Variants in ATP2B2 observed in about 807,000 individuals in gnomAD.
ATP2B2 encodes ATPase plasma membrane Ca2+ transporting 2, also known as plasma membrane calcium-transporting ATPase 2.
Under a neutral mutation model 120.0 loss-of-function variants are expected in ATP2B2, and 15 were observed. The ratio of observed to expected loss-of-function variants is 0.12; its 90% CI spans 0.08 to 0.19. The LOEUF (loss-of-function observed/expected upper bound fraction) is 0.19. Among genes scored for constraint, ATP2B2 ranks in the 10% least tolerant of loss-of-function variants. The pLI is 1.00. For missense variants in ATP2B2, 1,045 were observed against 1,719.8 expected (o/e 0.61, Z 6.94); for synonymous variants, 694 against 700.3 (o/e 0.99, Z 0.14).
rs751479685 is a variant in ATP2B2 at position 10,379,266 on chromosome 3, T to C, written c.1019A>G (p.Asn340Ser). ...ACCTTTGCTCTGGCTGGCGTCCACA[T>C]TGCCATCCTGCATTTTACCTACACG... ...SLVNGKMQDG[N>S]VDASQSKAKQ... The change falls in exon 9 of 23, where the codon AAT becomes AGT. Residue 340 changes from asparagine (N) to serine (S), a missense_variant. By Grantham distance (46) the Asn-to-Ser change is conservative. Around this residue, in one of 11 missense-constraint regions of ATP2B2, gnomAD observed 145 missense variants for 202.0 expected, o/e 0.72. Transcript: ENST00000360273. 2 of 1,613,898 alleles carry C rather than the reference T, an allele frequency of 1.2e-6. No individual in the cohort carries two copies. Among genetic ancestry groups the C allele is most frequent in the African/African-American group, 1.3e-5 (1 of 74,948 alleles).
rs778264519 is a variant in ATP2B2 at position 10,375,499 on chromosome 3, C to T, written c.1347G>A (p.Thr449=). 100 of 1,613,600 alleles carry T rather than the reference C, an allele frequency of 6.2e-5. No individual in the cohort carries two copies. Among genetic ancestry groups the T allele is most frequent in the Non-Finnish European group, 7.5e-5 (89 of 1,180,030 alleles). Residue 449 remains threonine, a synonymous_variant, in exon 11 of 23, where the codon ACG becomes ACA. Transcript: ENST00000360273. This position sits in a 1 kb window ranked among gnomAD's most constrained non-coding sequence, Gnocchi z 4.2. ...CCTCGGGCACGGCGACCACCAGCAC[C>T]GTCACGCCAATGATGAAGAACTTGA... ...YFVKFFIIGV[T]VLVVAVPEGL...
chr3:10,603,114 A>T (rs2068968235), intron 2 of ATP2B2, among the ~76,000 whole-genome samples: 3 of 152,216 alleles, frequency 2.0e-5, no homozygotes, highest in Admixed American at 2.0e-4. Flanking sequence ...CAGACCCCGC[A>T]TCCAGCCCTG....
chr3:10,407,491 C>T (rs2062455905), intron 3 of ATP2B2, among the ~76,000 whole-genome samples: 1 of 152,188 alleles, frequency 6.6e-6, no homozygotes, highest in Non-Finnish European at 1.5e-5. Context: ...GTAGAACTTC[C>T]TGAGTCTGTT....
intron 1 of ATP2B2, among the ~76,000 whole-genome samples, chr3:10,631,337 C>T (rs942929127): frequency 1.3e-5 from 2 of 152,210 alleles, no homozygotes; most frequent in Non-Finnish European, 2.9e-5. Flanking sequence ...TTGCAATTAA[C>T]ATTACTGTTA....
Position 10,335,222 on chromosome 3 carries a change from C to T in ATP2B2, c.3420+2954G>A, listed in dbSNP as rs76928898. Among the ~76,000 whole-genome samples, 790 of 152,328 alleles carry T rather than the reference C, an allele frequency of 5.2e-3. 6 individuals carry two copies. The highest frequency in any genetic ancestry group is 0.018 in the African/African-American group (735 of 41,572). ...GGCATATCAGGTCCCTCTGGGCCTGCTGGCACCCAGGCAAGATGTGAGGCT... is the reference window on the plus strand; with the variant it reads ...GGCATATCAGGTCCCTCTGGGCCTGTTGGCACCCAGGCAAGATGTGAGGCT... On this transcript the variant is annotated intron_variant, in intron 22 of 22. Transcript: ENST00000360273.
chr3:10,498,625 T>C (rs2066254196), intron 1 of ATP2B2, among the ~76,000 whole-genome samples: 1 of 152,208 alleles, frequency 6.6e-6, no homozygotes, highest in Non-Finnish European at 1.5e-5. Flanking sequence ...CAGCCAGACA[T>C]GGCCCGGTAG....
chr3:10,420,231 T>C (rs1342368003), intron 2 of ATP2B2, among the ~76,000 whole-genome samples: 1 of 152,164 alleles, frequency 6.6e-6, no homozygotes, highest in Non-Finnish European at 1.5e-5. Flanking sequence ...GCTGGGACTG[T>C]GGGAAGCCAT....
chr3:10,541,727 G>A (rs1264176392), intron 2 of ATP2B2, among the ~76,000 whole-genome samples: 1 of 152,182 alleles, frequency 6.6e-6, no homozygotes, highest in Non-Finnish European at 1.5e-5. Context: ...CTTGAAAACA[G>A]CATGTATTCT....
At chr3:10,531,467 A>T (rs1001497984) in intron 3 of ATP2B2, among the ~76,000 whole-genome samples, 1 of 152,140 alleles carries the variant, frequency 6.6e-6, no homozygotes, top group Admixed American at 6.5e-5. Flanking sequence ...CCTTTGTACA[A>T]TGGGGATAAG....
chr3:10,526,374 T>A (rs1211610840), intron 3 of ATP2B2, among the ~76,000 whole-genome samples: 1 of 152,148 alleles, frequency 6.6e-6, no homozygotes, highest in Non-Finnish European at 1.5e-5. Flanking sequence ...AATCATTCCC[T>A]ATTTAAGGAG....
intron 1 of ATP2B2, among the ~76,000 whole-genome samples, chr3:10,699,867 G>T (rs1433708255): frequency 6.6e-6 from 1 of 152,060 alleles, no homozygotes; most frequent in Admixed American, 6.6e-5. Context: ...ATGGGATGAT[G>T]CAGTAAATAG....
chr3:10,504,497 G>A (rs1002492905), intron 1 of ATP2B2, among the ~76,000 whole-genome samples: 1 of 152,058 alleles, frequency 6.6e-6, no homozygotes, highest in East Asian at 2.0e-4. Flanking sequence ...GCCAGGCTGG[G>A]CCTCTGCATG....
At chr3:10,544,792 C>T (rs1274724631) in intron 2 of ATP2B2, among the ~76,000 whole-genome samples, 1 of 152,260 alleles carries the variant, frequency 6.6e-6, no homozygotes, top group African/African-American at 2.4e-5. Flanking sequence ...TGACAGTCTT[C>T]CTCCAAAATC....
chr3:10,532,420 T>C (rs2125477177), intron 3 of ATP2B2, among the ~76,000 whole-genome samples: 1 of 152,290 alleles, frequency 6.6e-6, no homozygotes, highest in East Asian at 1.9e-4. Context: ...AATTCCATGG[T>C]GAAAATTCCA....
chr3:10,530,518 G>A (rs570572564), intron 3 of ATP2B2, among the ~76,000 whole-genome samples: 1 of 152,374 alleles, frequency 6.6e-6, no homozygotes, highest in East Asian at 1.9e-4. Flanking sequence ...GGTTTGGGGT[G>A]TGTGTTGATG....
At chr3:10,440,130 A>AAAAAG (rs2063613826) in intron 2 of ATP2B2, among the ~76,000 whole-genome samples, 1 of 135,876 alleles carries the variant, frequency 7.4e-6, no homozygotes, top group Non-Finnish European at 1.6e-5. Flanking sequence ...AAAAAAAAAA[A>AAAAAG]GGAGTGTCTC....
At chr3:10,625,542 A>G (rs1465313600) in intron 1 of ATP2B2, among the ~76,000 whole-genome samples, 4 of 152,278 alleles carry the variant, frequency 2.6e-5, no homozygotes, top group African/African-American at 9.6e-5. Context: ...TGAGTTACAG[A>G]ATCCGGATCA....
chr3:10,544,291 G>A lies in ATP2B2; in HGVS notation c.-414-10158C>T, dbSNP rs2067498918. ...GTGCCACTCACCACAAATAGGAGAT[G>A]AGCACAACAACGAATTACAAAGAAA... On this transcript the variant is annotated intron_variant, in intron 2 of 21. Transcript: ENST00000646379. Among the ~76,000 whole-genome samples, 2 of 152,186 alleles carry A rather than the reference G, an allele frequency of 1.3e-5. 1 individual carries two copies. The highest frequency in any genetic ancestry group is 4.1e-4 in the South Asian group (2 of 4,828).
intron 7 of ATP2B2, among the ~76,000 whole-genome samples, chr3:10,385,808 C>T (rs1262081046): frequency 6.6e-6 from 1 of 152,242 alleles, no homozygotes; most frequent in African/African-American, 2.4e-5. Flanking sequence ...AGAACATTTG[C>T]TAATGGTGAT....
Sources: gnomAD v4.1 joint callset for allele counts (sites outside exome capture counted in the v4.1 genomes callset) on GRCh38, gnomAD v4.1.1 for gene constraint, gnomAD v4.1.1 regional missense constraint, Gnocchi (gnomAD v3.1) non-coding constraint, MANE v1.5 for transcripts, NCBI Gene and HGNC (gene_info 2026-07-23, HGNC 2026-07-21) for gene names.